The following RHCE variants were observed in gnomAD, a reference collection of about 807,000 sequenced individuals.
RHCE encodes the protein blood group Rh(CE) polypeptide.
RHCE carries 22 observed loss-of-function variants against 43.8 expected under a neutral mutation model. That is an observed-to-expected ratio of 0.50 (90% CI 0.36 to 0.72). The LOEUF is 0.72. Among genes scored for constraint, RHCE ranks in the 30% least tolerant of loss-of-function variants. The pLI is 0.00. For synonymous variants in RHCE, 156 were observed against 210.7 expected, an observed-to-expected ratio of 0.74 and a Z score of 2.25; for missense variants, 385 against 525.4, an observed-to-expected ratio of 0.73 and a Z score of 2.61.
chr1:25,409,421 G>A (rs1387686658), intron 1 of RHCE, among the ~76,000 whole-genome samples: 1 of 124,136 alleles, frequency 8.1e-6, no homozygotes, highest in African/African-American at 2.5e-5. Flanking sequence ...CTGCTGCGAG[G>A]GACCTGGTGA....
intron 1 of RHCE, among the ~76,000 whole-genome samples, chr1:25,417,879 G>A (rs1647700574): frequency 6.6e-6 from 1 of 152,078 alleles, no homozygotes; most frequent in African/African-American, 2.4e-5. Context: ...CCCTTCCCCT[G>A]TGCCCAACAC....
chr1:25,429,327 T>C (rs540076306), intron 1 of RHCE, among the ~76,000 whole-genome samples: 1 of 151,892 alleles, frequency 6.6e-6, no homozygotes, highest in Non-Finnish European at 1.5e-5. Context: ...TAATTTTTTG[T>C]ATTTTTAGTA....
chr1:25,370,062 T>C (rs1645562013), intron 9 of RHCE, among the ~76,000 whole-genome samples: 1 of 151,598 alleles, frequency 6.6e-6, no homozygotes. Flanking sequence ...TGATAAGTCA[T>C]GTCTCCACTC....
chr1:25,395,366 A>G (rs1402509769), intron 3 of RHCE, among the ~76,000 whole-genome samples: 2 of 151,912 alleles, frequency 1.3e-5, no homozygotes, highest in African/African-American at 4.8e-5. Context: ...GTTTTTCGCT[A>G]AAGAGAAAGC....
chr1:25,379,649 C>T lies in RHCE; in HGVS notation c.1074-4221G>A, dbSNP rs559250111. The stretch of plus-strand genomic sequence containing the variant: ...CCTCCTGAGTAGCTAGGACTACAGA[C>T]GTGTGCCACCATCTCCAGCTACGTT... On this transcript the variant is annotated intron_variant, in intron 7 of 9. Transcript: ENST00000294413. Among the ~76,000 whole-genome samples, 29 of 150,996 alleles carry T rather than the reference C, an allele frequency of 1.9e-4. No homozygotes were observed. The East Asian group carries it at 2.7e-3, about 14-fold the overall frequency.
chr1:25,403,727 C>A (rs1646826723), intron 2 of RHCE, among the ~76,000 whole-genome samples: 1 of 151,522 alleles, frequency 6.6e-6, no homozygotes, highest in East Asian at 1.9e-4. Context: ...GACATCCAGT[C>A]TCCCCTGAGC....
At chr1:25,368,119 TTGA>T (rs1396266533) in intron 9 of RHCE, among the ~76,000 whole-genome samples, 1 of 150,242 alleles carries the variant, frequency 6.7e-6, no homozygotes, top group African/African-American at 2.5e-5. Context: ...GCTCCTTGTC[TTGA>T]TGGTGGTGAT....
chr1:25,401,046 C>G (rs1646723034), intron 3 of RHCE, among the ~76,000 whole-genome samples: 2 of 152,164 alleles, frequency 1.3e-5, no homozygotes, highest in Non-Finnish European at 2.9e-5. Context: ...TTTTCTGAAC[C>G]CAGAAGCCAG....
At chr1:25,427,348 A>G (rs1021146659) in intron 2 of RHCE, among the ~76,000 whole-genome samples, 1 of 152,186 alleles carries the variant, frequency 6.6e-6, no homozygotes, top group African/African-American at 2.4e-5. Flanking sequence ...ATTCCTCTGT[A>G]GGCCTTGGTC....
chr1:25,395,464 A>T (rs1170135875), intron 3 of RHCE, among the ~76,000 whole-genome samples: 1 of 152,206 alleles, frequency 6.6e-6, no homozygotes, highest in African/African-American at 2.4e-5. Flanking sequence ...GGCTTCTCAT[A>T]GTCAGTTCTA....
At chr1:25,372,054 T>C (rs1645625841) in intron 8 of RHCE, among the ~76,000 whole-genome samples, 1 of 151,598 alleles carries the variant, frequency 6.6e-6, no homozygotes, top group Non-Finnish European at 1.5e-5. Context: ...ATATATTTTG[T>C]CTTCTGAGAC....
At chr1:25,410,439 T>A (rs543554683) in intron 1 of RHCE, among the ~76,000 whole-genome samples, 1 of 152,136 alleles carries the variant, frequency 6.6e-6, no homozygotes, top group African/African-American at 2.4e-5. Flanking sequence ...GTAGACAATT[T>A]TTTTTTTTTC....
At chr1:25,405,138 A>C (rs1646877013) in intron 2 of RHCE, among the ~76,000 whole-genome samples, 1 of 151,564 alleles carries the variant, frequency 6.6e-6, no homozygotes, top group Admixed American at 6.6e-5. Flanking sequence ...TGGGCAGATC[A>C]CTTGAGCCCA....
chr1:25,400,850 G>A (rs1646715513), intron 3 of RHCE, among the ~76,000 whole-genome samples: 1 of 152,114 alleles, frequency 6.6e-6, no homozygotes, highest in African/African-American at 2.4e-5. Flanking sequence ...GAACCTTGAA[G>A]TCATCTTGAC....
At chr1:25,402,202 GTCTGTCTATCTATCTA>G (rs1342861454) in intron 3 of RHCE, among the ~76,000 whole-genome samples, 3 of 118,410 alleles carry the variant, frequency 2.5e-5, no homozygotes, top group African/African-American at 1.0e-4. Flanking sequence ...CTGTCTGTCT[GTCTGTCTATCTATCTA>G]TCTATCTATC....
chr1:25,420,944 C>T, upstream of RHCE: 1 of 1,461,788 alleles, frequency 6.8e-7, no homozygotes, highest in Admixed American at 2.0e-5. Context: ...ATGGAGTTAA[C>T]ACGGAAGCAG....
At chr1:25,396,995 C>A (rs1171566616) in intron 3 of RHCE, among the ~76,000 whole-genome samples, 2 of 133,110 alleles carry the variant, frequency 1.5e-5, no homozygotes, top group Non-Finnish European at 3.0e-5. Context: ...GCCCCTAATC[C>A]CAGCTACTCG....
upstream of RHCE, among the ~76,000 whole-genome samples, chr1:25,423,857 T>TTTTTCATAATAAA (rs1159838840): frequency 1.3e-5 from 2 of 152,162 alleles, no homozygotes; most frequent in African/African-American, 4.8e-5. Context: ...ATGTTTGAAA[T>TTTTTCATAATAAA]TTTTCATAAT....
intron 3 of RHCE, 61 bp downstream of exon 3, chr1:25,402,535 C>A (rs1188928121): frequency 6.2e-7 from 1 of 1,613,560 alleles, no homozygotes; most frequent in Non-Finnish European, 8.5e-7. Flanking sequence ...CCCGGAAGCC[C>A]CACCAAATGG....
Sources: gnomAD v4.1 joint callset for allele counts (sites outside exome capture counted in the v4.1 genomes callset) on GRCh38, gnomAD v4.1.1 for gene constraint, MANE v1.5 for transcripts, NCBI Gene and HGNC (gene_info 2026-07-23, HGNC 2026-07-21) for gene names.